SETD5: variants seen among roughly 807,000 people sequenced by gnomAD.
The protein encoded by SETD5 is histone-lysine N-methyltransferase SETD5.
In SETD5, 44 loss-of-function variants were observed where a neutral mutation model predicts 153.3. The ratio of observed to expected loss-of-function variants is 0.29; its 90% confidence interval spans 0.23 to 0.37. The LOEUF is 0.37. Among genes scored for constraint, SETD5 ranks in the 10% least tolerant of loss-of-function variants. The pLI, the probability that SETD5 is intolerant of heterozygous loss-of-function variation, is 1.00. For synonymous variants in SETD5, 716 were observed against 645.2 expected (o/e 1.11, Z -1.66); for missense variants, 1,544 against 1,768.0 (o/e 0.87, Z 2.27).
intron 1 of SETD5, among the ~76,000 whole-genome samples, chr3:9,418,139 G>A (rs999889885): frequency 2.7e-5 from 4 of 150,728 alleles, no homozygotes; most frequent in African/African-American, 4.9e-5. Flanking sequence ...TAGTAGAGAC[G>A]GAGTTTCACC....
chr3:9,447,666 T>C lies in SETD5; in HGVS notation c.1783-20T>C, dbSNP rs2042175717. ...TGATAAAACATTTCTGGTAAGCATCTGACCCTACTATTGCTACAGGATATT... is the reference window on the plus strand; with the variant it reads ...TGATAAAACATTTCTGGTAAGCATCCGACCCTACTATTGCTACAGGATATT... On this transcript the variant is annotated intron_variant, in intron 14 of 22. Transcript: ENST00000402198. 6.2e-7 allele frequency: 1 copy of C among 1,604,848 alleles called. No homozygotes were observed. Among genetic ancestry groups the C allele is most frequent in the Non-Finnish European group, 8.5e-7 (1 of 1,174,576 alleles).
rs143286389 is a variant in SETD5 at position 9,461,575 on chromosome 3, A to G, written c.2477-2850A>G. On this transcript the variant is annotated intron_variant, in intron 17 of 22. Coordinates refer to ENST00000402198, the MANE Select transcript of SETD5 (RefSeq NM_001080517.3). ...CATAAAATTTGGAAACTATATATGC[A>G]GGAAAAAGAGAAAAAGTAGGCAAAT... Among the ~76,000 whole-genome samples, 213 of 152,352 alleles carry G rather than the reference A, an allele frequency of 1.4e-3. 6 individuals are homozygous for G. In the East Asian group the frequency reaches 0.026, roughly 18 times the overall value.
At chr3:9,447,566 G>A in intron 14 of SETD5, 120 bp from the exon 15 acceptor site, 6 of 1,189,188 alleles carry the variant, frequency 5.0e-6, no homozygotes, top group South Asian at 4.7e-5. Flanking sequence ...TTTTAAATTA[G>A]TGTTTCTAAT....
intron 1 of SETD5, among the ~76,000 whole-genome samples, chr3:9,421,626 T>G (rs1321720807): frequency 1.3e-5 from 2 of 152,316 alleles, no homozygotes; most frequent in Admixed American, 1.3e-4. Context: ...CGAAGAACTA[T>G]AGATGTATTT....
At position 9,397,822 on chromosome 3, in the gene SETD5, C is replaced by G. The variant is rs1195546955; in HGVS notation, c.-332C>G. On this transcript the variant is annotated 5_prime_UTR_variant, in exon 1 of 23. Transcript: ENST00000402198. ...CCCCCCTCCCCGCCTTTGGCTCGCT[C>G]CGCCTTTCTGCCCCCCACCCCCACC... is the stretch of plus-strand genomic sequence containing the variant. 1 of 139,350 alleles carries G rather than the reference C, an allele frequency of 7.2e-6. No individual in the cohort carries two copies. The highest frequency in any genetic ancestry group is 1.6e-5 in the Non-Finnish European group (1 of 64,116). The allele number at this position is 139,350 out of a possible 1,614,324, so 8.6% of individuals were successfully genotyped here.
chr3:9,448,314 T>C, intron 15 of SETD5, 74 bp from the exon 16 acceptor site: 1 of 1,542,394 alleles, frequency 6.5e-7, no homozygotes, highest in Non-Finnish European at 8.7e-7. Flanking sequence ...TCCTAGTTTC[T>C]AGATGACGTT....
Position 9,413,950 on chromosome 3 carries a change from G to A in SETD5, c.-176-10517G>A, listed in dbSNP as rs892646983. Among the ~76,000 whole-genome samples the A allele has an allele frequency of 2.6e-5, 4 of 151,890 alleles. No homozygotes were observed. In the South Asian group the frequency reaches 8.3e-4, roughly 32 times the overall value. The stretch of plus-strand genomic sequence containing the variant: ...GCGCCACCACGCCCAGCTAATTTTT[G>A]TATTTTTAGTAGAGATGGGGTTTCA... On this transcript the variant is annotated intron_variant, in intron 1 of 22. Transcript: ENST00000402198.
intron 20 of SETD5, among the ~76,000 whole-genome samples, chr3:9,473,984 T>C (rs1170094627): frequency 1.3e-5 from 2 of 152,156 alleles, no homozygotes; most frequent in African/African-American, 4.8e-5. Flanking sequence ...AATTTAAAAA[T>C]GAATAATACT....
intron 17 of SETD5, among the ~76,000 whole-genome samples, chr3:9,461,493 T>TA (rs2043952532): frequency 1.3e-5 from 2 of 152,176 alleles, no homozygotes; most frequent in Admixed American, 1.3e-4. Flanking sequence ...ATAACCTTGG[T>TA]AATTTTTTGA....
rs1192163046 is a variant in SETD5 at position 9,470,763 on chromosome 3, A to G, written c.3029A>G (p.Lys1010Arg). 1 of 1,613,862 alleles carries G rather than the reference A, an allele frequency of 6.2e-7. No homozygotes were observed. Among genetic ancestry groups the G allele is most frequent in the Non-Finnish European group, 8.5e-7 (1 of 1,179,884 alleles). ...GGATCTCCTCTAGTGGGGGATAGGAAGCCTTTACATTTGGATGGGGGATAT... is the reference window on the plus strand; with the variant it reads ...GGATCTCCTCTAGTGGGGGATAGGAGGCCTTTACATTTGGATGGGGGATAT... ...YRGSPLVGDRKPLHLDGGYCS... is the reference protein window; with the variant it reads ...YRGSPLVGDRRPLHLDGGYCS... The change falls in exon 19 of 23, where the codon AAG becomes AGG. Residue 1010 changes from lysine (K) to arginine (R), a missense_variant. Lys to Arg is a conservative substitution (Grantham distance 26). Transcript: ENST00000402198.
At chr3:9,419,987 A>G (rs1449195964) in intron 1 of SETD5, among the ~76,000 whole-genome samples, 1 of 152,200 alleles carries the variant, frequency 6.6e-6, no homozygotes, top group East Asian at 1.9e-4. Context: ...CTCAGAACAC[A>G]GTAGAACAGA....
chr3:9,416,778 C>T (rs749423716), intron 1 of SETD5, among the ~76,000 whole-genome samples: 3 of 152,044 alleles, frequency 2.0e-5, no homozygotes, highest in Admixed American at 6.5e-5. Flanking sequence ...ATGTCATAGA[C>T]ACAACTGGTA....
chr3:9,440,433 C>T (rs373338607), intron 7 of SETD5, 23 bp from the exon 8 acceptor site: 1 of 1,297,458 alleles, frequency 7.7e-7, no homozygotes, highest in East Asian at 2.3e-5. Context: ...CTTTACTAAC[C>T]TCCCTGAATT....
rs767016273 is a variant in SETD5 at position 9,447,757 on chromosome 3, A to G, written c.1854A>G (p.Arg618=). The change falls in exon 15 of 23, where the codon CGA becomes CGG. Residue 618 remains arginine (R), a synonymous_variant. Transcript: ENST00000402198. ...AKPSRPRPKS[R]ISRYRTSSAQ... ...CTTCTAGGCCCCGGCCGAAGAGTCGAATTTCTCGGTACAGGACCAGTTCAG... is the reference window on the plus strand; with the variant it reads ...CTTCTAGGCCCCGGCCGAAGAGTCGGATTTCTCGGTACAGGACCAGTTCAG... 1 of 1,614,040 alleles carries G rather than the reference A, an allele frequency of 6.2e-7. No homozygotes were observed. Among genetic ancestry groups the G allele is most frequent in the Non-Finnish European group, 8.5e-7 (1 of 1,179,898 alleles).
intron 1 of SETD5, among the ~76,000 whole-genome samples, chr3:9,420,460 C>G (rs78081176): frequency 6.6e-6 from 1 of 151,880 alleles, no homozygotes; most frequent in Non-Finnish European, 1.5e-5. Context: ...TTATAGACAT[C>G]GGTTTATTGT....
intron 7 of SETD5, among the ~76,000 whole-genome samples, chr3:9,437,683 T>C (rs2125132765): frequency 6.6e-6 from 1 of 152,200 alleles, no homozygotes; most frequent in East Asian, 1.9e-4. Flanking sequence ...TCTTTCCTAT[T>C]GAGAGTTATA....
At chr3:9,474,817 C>A in intron 21 of SETD5, 1 of 630,778 alleles carries the variant, frequency 1.6e-6, no homozygotes, top group Non-Finnish European at 2.7e-6. Flanking sequence ...TAACTCTCAT[C>A]TCTCCAAAGT....
intron 1 of SETD5, among the ~76,000 whole-genome samples, chr3:9,408,078 T>A (rs1405993955): frequency 3.3e-5 from 5 of 152,212 alleles, no homozygotes; most frequent in African/African-American, 1.2e-4. Flanking sequence ...ATACCTGCTA[T>A]CCTAGCGTAA....
chr3:9,458,478 T>A (rs2043530068), intron 17 of SETD5, among the ~76,000 whole-genome samples: 1 of 152,016 alleles, frequency 6.6e-6, no homozygotes, highest in Non-Finnish European at 1.5e-5. Context: ...TAGCCAGGCA[T>A]GATGGTGGGT....
Sources: gnomAD v4.1 joint callset for allele counts (sites outside exome capture counted in the v4.1 genomes callset) on GRCh38, gnomAD v4.1.1 for gene constraint, MANE v1.5 for transcripts, NCBI Gene and HGNC (gene_info 2026-07-23, HGNC 2026-07-21) for gene names.